The following TMEM37 variants were observed in gnomAD, a reference collection of about 807,000 sequenced individuals.
TMEM37 encodes the protein transmembrane protein 37, also known as voltage-dependent calcium channel gamma-like subunit.
Under a neutral mutation model 11.0 loss-of-function variants are expected in TMEM37, and 12 were observed. The ratio of observed to expected loss-of-function variants is 1.09; its 90% CI spans 0.70 to 1.76. The LOEUF is 1.76. TMEM37 is among the 40% of genes most tolerant of loss of function. TMEM37 has a pLI of 0.00. For missense variants in TMEM37, 203 were observed against 251.2 expected (o/e 0.81, Z 1.30); for synonymous variants, 127 against 110.5 (o/e 1.15, Z -0.94).
chr2:119,435,201 C>T (rs1056701152), intron 1 of TMEM37, among the ~76,000 whole-genome samples: 12 of 152,196 alleles, frequency 7.9e-5, no homozygotes, highest in Admixed American at 6.5e-4. Context: ...TTCCTGTATC[C>T]CTGGGGTTGA....
chr2:119,434,600 A>AGC (rs1018037144), intron 1 of TMEM37, among the ~76,000 whole-genome samples: 26 of 152,220 alleles, frequency 1.7e-4, no homozygotes, highest in African/African-American at 5.8e-4. Flanking sequence ...CAGCACTGGA[A>AGC]GCCCCACCAG....
At chr2:119,432,001 G>A (rs1682409162) in intron 1 of TMEM37, 77 bp downstream of exon 1, 5 of 960,410 alleles carry the variant, frequency 5.2e-6, no homozygotes, top group Non-Finnish European at 5.4e-6. Context: ...GACGGAGGGA[G>A]GGGCGTACCC....
intron 1 of TMEM37, among the ~76,000 whole-genome samples, chr2:119,435,033 G>C (rs1427949725): frequency 1.3e-5 from 2 of 152,330 alleles, no homozygotes; most frequent in East Asian, 3.9e-4. Context: ...GCTTCATTGT[G>C]CTTTAGGTGA....
intron 1 of TMEM37, among the ~76,000 whole-genome samples, chr2:119,434,835 G>A (rs921173774): frequency 6.6e-6 from 1 of 152,136 alleles, no homozygotes; most frequent in African/African-American, 2.4e-5. Context: ...GCCAGGCAGC[G>A]TGCTGGGACA....
At position 119,437,750 on chromosome 2, in the gene TMEM37, G is replaced by C; in HGVS notation, c.*310G>C. 1 of 379,086 alleles carries C rather than the reference G, an allele frequency of 2.6e-6. No individual in the cohort carries two copies. Among genetic ancestry groups the C allele is most frequent in the Non-Finnish European group, 4.8e-6 (1 of 209,438 alleles). 23.5% of individuals were successfully genotyped at this position (379,086 alleles called of 1,614,324 possible). A position where few individuals can be genotyped will look rare whatever the true frequency, so the allele number is the denominator to read the frequency against. On this transcript the variant is annotated 3_prime_UTR_variant, in exon 2 of 2. Coordinates refer to ENST00000306406, the MANE Select transcript of TMEM37 (RefSeq NM_183240.3). ...TTCTTGAATTTTCTTCCCTGGACTG[G>C]AATACAGTTGGAAGCACAGGGGTAA...
At chr2:119,431,369 C>G (rs1682390228), upstream of TMEM37, among the ~76,000 whole-genome samples, 1 of 152,220 alleles carries the variant, frequency 6.6e-6, no homozygotes, top group Non-Finnish European at 1.5e-5. Context: ...TTCATTATTT[C>G]CCTTACTAAC....
chr2:119,436,375 C>T (rs947882953), intron 1 of TMEM37, among the ~76,000 whole-genome samples: 3 of 152,172 alleles, frequency 2.0e-5, no homozygotes, highest in Non-Finnish European at 2.9e-5. Flanking sequence ...GGACAGCTCC[C>T]GAATCATCAG....
Position 119,437,613 on chromosome 2 carries a change from C to T in TMEM37, c.*173C>T, listed in dbSNP as rs1415920886. Reference sequence around the variant, plus strand: ...GGTCAGCCAGAAATGGCCCGGGGGCCTCTGCACCTGGTCTGCAGGGCCAGA... The same window carrying T: ...GGTCAGCCAGAAATGGCCCGGGGGCTTCTGCACCTGGTCTGCAGGGCCAGA... On this transcript the variant is annotated 3_prime_UTR_variant, in exon 2 of 2. Coordinates refer to ENST00000306406, the MANE Select transcript of TMEM37 (RefSeq NM_183240.3). The T allele has an allele frequency of 2.0e-5, 16 of 814,010 alleles. No individual in the cohort carries two copies. The Admixed American group carries it at 4.4e-4, about 22-fold the overall frequency. 50.4% of individuals were successfully genotyped at this position (814,010 alleles called of 1,614,324 possible).
upstream of TMEM37, chr2:119,430,342 C>A (rs931480683): frequency 9.8e-6 from 5 of 509,492 alleles, no homozygotes; most frequent in South Asian, 3.1e-5. Context: ...TTTTAACAAA[C>A]CTTCCAGGTG....
At chr2:119,431,982 G>A (rs13016653) in intron 1 of TMEM37, 58 bp downstream of exon 1, 1 of 1,134,508 alleles carries the variant, frequency 8.8e-7, no homozygotes, top group Middle Eastern at 3.3e-4. Context: ...GGGAGGTTGG[G>A]GGTGGGAGGA....
chr2:119,437,457 C>A lies in TMEM37; in HGVS notation c.*17C>A. Reference sequence around the variant, plus strand: ...TGGGAATGACCGTGGAAATTTTAGGCCCCCTCCAGGGACATCAGATTCCAC... The same window carrying A: ...TGGGAATGACCGTGGAAATTTTAGGACCCCTCCAGGGACATCAGATTCCAC... On this transcript the variant is annotated 3_prime_UTR_variant, in exon 2 of 2. Transcript: ENST00000306406. 1.2e-6 allele frequency: 2 copies of A among 1,605,478 alleles called. No individual in the cohort carries two copies. The highest frequency in any genetic ancestry group is 1.7e-6 in the Non-Finnish European group (2 of 1,175,342).
intron 1 of TMEM37, among the ~76,000 whole-genome samples, chr2:119,434,389 C>T (rs1339392984): frequency 1.3e-5 from 2 of 152,144 alleles, no homozygotes; most frequent in African/African-American, 4.8e-5. Context: ...CAAGGACAAA[C>T]ACCTCTAATG....
rs780577316 is a variant in TMEM37, at chr2:119,436,920, G to A, written c.53G>A (p.Arg18His). The change falls in exon 2 of 2, where the codon CGC (arginine) becomes CAC (histidine). Residue 18 changes from arginine to histidine, a missense_variant. Transcript: ENST00000306406. ...AQRPLGQRQP[R>H]RSFFESFIRT... ...AGGCCTTTGGGCCAAAGGCAGCCCC[G>A]CCGGTCCTTCTTTGAATCCTTCATC... 2.4e-5 allele frequency: 38 copies of A among 1,614,022 alleles called. No homozygotes were observed. Among genetic ancestry groups the A allele is most frequent in the East Asian group, 6.7e-5 (3 of 44,878 alleles).
chr2:119,437,251 C>T lies in TMEM37; in HGVS notation c.384C>T (p.Ser128=), dbSNP rs750977221. The stretch of plus-strand genomic sequence containing the variant: ...CACAGTGCAAGTGGGTCATGGGTTC[C>T]ATCCTCCTCCTGGTGTCTTTCGTCC... ...KHSQCKWVMG[S]ILLLVSFVLS... The change falls in exon 2 of 2, where the codon TCC becomes TCT. Residue 128 remains serine, a synonymous_variant. Coordinates refer to ENST00000306406, the MANE Select transcript of TMEM37 (RefSeq NM_183240.3). 1 of 1,614,142 alleles carries T rather than the reference C, an allele frequency of 6.2e-7. No homozygotes were observed. The highest frequency in any genetic ancestry group is 8.5e-7 in the Non-Finnish European group (1 of 1,180,062).
chr2:119,431,781 C>T, upstream of TMEM37: 4 of 762,198 alleles, frequency 5.2e-6, no homozygotes, highest in Non-Finnish European at 5.3e-6. Context: ...TTTGAACGCC[C>T]CCTCCCGCCC....
upstream of TMEM37, among the ~76,000 whole-genome samples, chr2:119,430,654 G>A (rs542150928): frequency 1.3e-5 from 2 of 152,366 alleles, no homozygotes; most frequent in South Asian, 4.1e-4. Context: ...TTTGGGTAAA[G>A]TCACCAGGAG....
At chr2:119,430,585 C>T (rs777906156), upstream of TMEM37, among the ~76,000 whole-genome samples, 2 of 152,252 alleles carry the variant, frequency 1.3e-5, no homozygotes, top group Non-Finnish European at 2.9e-5. Flanking sequence ...ACAATTGTAA[C>T]TACCCCTCTT....
intron 1 of TMEM37, among the ~76,000 whole-genome samples, chr2:119,434,561 C>G (rs1303066426): frequency 6.6e-6 from 1 of 151,998 alleles, no homozygotes; most frequent in African/African-American, 2.4e-5. Flanking sequence ...GCAGAGCCAG[C>G]CTGCTCAGCT....
At chr2:119,436,834 C>A in intron 1 of TMEM37, 55 bp from the exon 2 acceptor site, 2 of 1,444,650 alleles carry the variant, frequency 1.4e-6, no homozygotes, top group South Asian at 2.5e-5. Context: ...TGCAGAGGTT[C>A]CTGGGGGCGT....
Sources: allele counts gnomAD v4.1 joint callset (sites outside exome capture counted in the v4.1 genomes callset), GRCh38; gene constraint gnomAD v4.1.1; transcripts MANE v1.5; gene names NCBI Gene and HGNC (gene_info 2026-07-23, HGNC 2026-07-21).